MAP3K15: variants seen among roughly 807,000 people sequenced by gnomAD.
MAP3K15 encodes the protein MAPK/ERK kinase kinase 15.
MAP3K15 carries 124 observed loss-of-function variants against 99.5 expected under a neutral mutation model. The ratio of observed to expected loss-of-function variants is 1.25; its 90% CI spans 1.08 to 1.45. The LOEUF (loss-of-function observed/expected upper bound fraction) is 1.45, where lower values mean the gene tolerates loss of function less well. MAP3K15 is among the 40% of genes most tolerant of loss of function. The pLI is 0.00. For synonymous variants in MAP3K15, 494 were observed against 439.6 expected (o/e 1.12, Z -1.55); for missense variants, 1,242 against 1,079.7 (o/e 1.15, Z -2.11).
At chrX:19,389,377 G>A (rs891045190) in intron 18 of MAP3K15, among the ~76,000 whole-genome samples, 2 of 108,160 alleles carry the variant, frequency 1.8e-5, no homozygotes, top group South Asian at 4.0e-4. Flanking sequence ...AGGTTCCTAT[G>A]TGTGGGGCAA....
At chrX:19,492,834 G>A (rs1169552227) in intron 1 of MAP3K15, among the ~76,000 whole-genome samples, 2 of 110,381 alleles carry the variant, frequency 1.8e-5, no homozygotes, top group Non-Finnish European at 3.8e-5. Context: ...TGGGTGTGGG[G>A]TGGGCGCCTG....
At chrX:19,481,222 T>C (rs1343103992) in intron 3 of MAP3K15, among the ~76,000 whole-genome samples, 2 of 108,246 alleles carry the variant, frequency 1.8e-5, no homozygotes, top group African/African-American at 6.8e-5. Context: ...CCCTTACGTA[T>C]ACAGTCAATT....
intron 9 of MAP3K15, among the ~76,000 whole-genome samples, chrX:19,423,206 G>T (rs2063801408): frequency 9.1e-6 from 1 of 110,345 alleles, no homozygotes; most frequent in Non-Finnish European, 1.9e-5. Context: ...GAAAAAAAAA[G>T]AACTATAGTA....
intron 9 of MAP3K15, among the ~76,000 whole-genome samples, chrX:19,422,117 T>C (rs1424274516): frequency 1.8e-5 from 2 of 109,863 alleles, no homozygotes; most frequent in African/African-American, 3.4e-5. Flanking sequence ...GACATAGGCA[T>C]GGGCAAGGAC....
chrX:19,380,979 A>C (rs1175504961), intron 18 of MAP3K15, among the ~76,000 whole-genome samples: 1 of 112,586 alleles, frequency 8.9e-6, no homozygotes, highest in African/African-American at 3.2e-5. Context: ...CGTGAGAAAC[A>C]CAGCCTGATG....
chrX:19,371,081 T>A lies in MAP3K15; in HGVS notation c.3295-17A>T, dbSNP rs1003404693. 15 of 946,279 alleles carry A rather than the reference T, an allele frequency of 1.6e-5. No homozygotes were observed. The highest frequency in any genetic ancestry group is 1.1e-4 in the African/African-American group (5 of 45,835). 78.0% of individuals were successfully genotyped at this position (946,279 alleles called of 1,213,427 possible). On this transcript the variant is annotated splice_polypyrimidine_tract_variant and intron_variant, in intron 23 of 28. Transcript: ENST00000338883. ...TTTATTTACCTAAAAAAAAAAAAAATAATAAAATAAACTAAAATCACAAAA... is the reference window on the plus strand; with the variant it reads ...TTTATTTACCTAAAAAAAAAAAAAAAAATAAAATAAACTAAAATCACAAAA...
intron 3 of MAP3K15, among the ~76,000 whole-genome samples, chrX:19,468,123 A>C (rs1254314967): frequency 8.9e-6 from 1 of 112,055 alleles, no homozygotes; most frequent in East Asian, 2.8e-4. Context: ...CTTCATGCAG[A>C]ATGTGCCATG....
intron 19 of MAP3K15, among the ~76,000 whole-genome samples, chrX:19,379,867 G>A (rs1251929410): frequency 2.7e-5 from 3 of 111,282 alleles, no homozygotes; most frequent in Non-Finnish European, 5.7e-5. Context: ...GACTAGTTAC[G>A]GTTTCTCTTG....
chrX:19,452,594 C>T (rs1021523225), intron 6 of MAP3K15, among the ~76,000 whole-genome samples: 4 of 111,587 alleles, frequency 3.6e-5, no homozygotes, highest in Non-Finnish European at 7.5e-5. Context: ...AAATGTCCAT[C>T]GACAGATGAA....
chrX:19,372,756 A>T lies in MAP3K15; in HGVS notation c.3005T>A (p.Leu1002His). 1.7e-6 allele frequency: 2 copies of T among 1,211,358 alleles called. No homozygotes were observed. Among genetic ancestry groups the T allele is most frequent in the Non-Finnish European group, 2.2e-6 (2 of 895,011 alleles). The change falls in exon 22 of 29, where the codon CTC becomes CAC. Residue 1002 changes from leucine to histidine, a missense_variant. Leu to His is a moderately conservative substitution (Grantham distance 99). Transcript: ENST00000338883. Reference sequence around the variant, plus strand: ...CTCACTGTCCTTGCGTAGCAGGAAGAGGCCCTGGTCCCTGTCCTCCGGGGA... The same window carrying T: ...CTCACTGTCCTTGCGTAGCAGGAAGTGGCCCTGGTCCCTGTCCTCCGGGGA... ...ASSPEDRDQG[L>H]FLLRKDSERR...
At chrX:19,501,934 C>T (rs753137285) in intron 1 of MAP3K15, among the ~76,000 whole-genome samples, 4 of 111,846 alleles carry the variant, frequency 3.6e-5, no homozygotes, top group Non-Finnish European at 5.6e-5. Flanking sequence ...GGCAAGGTGG[C>T]ATATGCCTGT....
rs57191935 is a variant in MAP3K15, at chrX:19,483,257, C to CA, written c.525+3224dup. ...TGGGCTACAGGGCAAGACTCCATCT[C>CA]AAAAAAAAAAAAAAAAAAGAAATGG... On this transcript the variant is annotated intron_variant, in intron 3 of 28. Transcript: ENST00000338883. Among the ~76,000 whole-genome samples, 504 of 52,478 alleles carry CA rather than the reference C, an allele frequency of 9.6e-3. 4 individuals are homozygous for CA. The highest frequency in any genetic ancestry group is 0.053 in the Middle Eastern group (4 of 75). 45.6% of individuals were successfully genotyped at this position (52,478 alleles called of 115,157 possible).
intron 13 of MAP3K15, among the ~76,000 whole-genome samples, chrX:19,406,631 C>T (rs5955554): frequency 0.23 from 26,124 of 111,647 alleles, 5,927 homozygotes; most frequent in African/African-American, 0.72. Flanking sequence ...GTGGGGGTGA[C>T]GAAAATATTC....
At chrX:19,460,464 T>C (rs776809882) in intron 4 of MAP3K15, among the ~76,000 whole-genome samples, 4 of 112,182 alleles carry the variant, frequency 3.6e-5, no homozygotes, top group African/African-American at 9.7e-5. Flanking sequence ...TTCAAACATA[T>C]AGAGGGTGAG....
In MAP3K15 at chrX:19,371,537, A is replaced by G. The variant is rs751880911; in HGVS notation, c.3109-7T>C. ...GATGCAACTCTTCGGAACTCTGAAA[A>G]CACACACAAATCATTTTCATTGAGT... On this transcript the variant is annotated splice_polypyrimidine_tract_variant and splice_region_variant and intron_variant, in intron 22 of 28. Coordinates refer to ENST00000338883, the MANE Select transcript of MAP3K15 (RefSeq NM_001001671.4). 3.6e-5 allele frequency: 43 copies of G among 1,189,381 alleles called. No homozygotes were observed. In the South Asian group the frequency reaches 7.1e-4, roughly 20 times the overall value.
chrX:19,490,182 CACAT>C (rs1189800973), intron 1 of MAP3K15, among the ~76,000 whole-genome samples: 145 of 95,503 alleles, frequency 1.5e-3, no homozygotes, highest in Middle Eastern at 5.1e-3. Flanking sequence ...CACACACACA[CACAT>C]ACATACAAAA....
chrX:19,473,591 C>T (rs2064221507), intron 3 of MAP3K15, among the ~76,000 whole-genome samples: 1 of 111,773 alleles, frequency 8.9e-6, no homozygotes, highest in African/African-American at 3.3e-5. Flanking sequence ...AATGTAAAGT[C>T]CTATTCTAAA....
intron 1 of MAP3K15, among the ~76,000 whole-genome samples, chrX:19,504,988 G>T (rs1221413955): frequency 9.7e-6 from 1 of 102,664 alleles, no homozygotes; most frequent in African/African-American, 3.6e-5. Flanking sequence ...AGAAACAAAA[G>T]CTTGCCAAAC....
chrX:19,457,043 G>A, intron 5 of MAP3K15, 24 bp from the exon 6 acceptor site: 2 of 1,058,721 alleles, frequency 1.9e-6, no homozygotes, highest in Non-Finnish European at 2.6e-6. Flanking sequence ...GTCCCAAAGT[G>A]AGCAAGAGAG....
Sources: gnomAD v4.1 joint callset for allele counts (sites outside exome capture counted in the v4.1 genomes callset) on GRCh38, gnomAD v4.1.1 for gene constraint, MANE v1.5 for transcripts, NCBI Gene and HGNC (gene_info 2026-07-23, HGNC 2026-07-21) for gene names.